STK32B: variants seen among roughly 807,000 people sequenced by gnomAD.
STK32B encodes the protein serine/threonine-protein kinase 32B.
Under a neutral mutation model 52.6 loss-of-function variants are expected in STK32B, and 43 were observed. The observed-to-expected ratio is 0.82, with a 90% CI of 0.64 to 1.05. STK32B has a LOEUF of 1.05. Among genes scored for constraint, STK32B ranks in the 50% least tolerant of loss-of-function variants. The pLI is 0.00. For missense variants in STK32B, 621 were observed against 534.6 expected, an observed-to-expected ratio of 1.16 and a Z score of -1.59; for synonymous variants, 238 against 204.3, an observed-to-expected ratio of 1.17 and a Z score of -1.41.
Position 5,051,561 on chromosome 4 carries a change from G to C in STK32B, c.-303G>C, listed in dbSNP as rs1311967390. The C allele has an allele frequency of 2.6e-6, 1 of 381,578 alleles. No homozygotes were observed. Among genetic ancestry groups the C allele is most frequent in the Non-Finnish European group, 4.6e-6 (1 of 215,628 alleles). The allele number at this position is 381,578 out of a possible 1,614,324, so 23.6% of individuals were successfully genotyped here. ...GCGAGGAGCGCCGCACGTTGGCCCC[G>C]GCGCGAGGAGCTCCCGGGTTCCCGG... On this transcript the variant is annotated 5_prime_UTR_variant, in exon 1 of 12. Coordinates refer to ENST00000282908, the MANE Select transcript of STK32B (RefSeq NM_018401.3).
intron 11 of STK32B, among the ~76,000 whole-genome samples, chr4:5,479,126 T>TG (rs1249179231): frequency 6.7e-6 from 1 of 149,398 alleles, no homozygotes; most frequent in African/African-American, 2.4e-5. Flanking sequence ...TGTTTTTGTT[T>TG]TTTTTTTTTT....
intron 3 of STK32B, among the ~76,000 whole-genome samples, chr4:5,319,585 A>G (rs939721749): frequency 1.3e-5 from 2 of 152,076 alleles, no homozygotes; most frequent in African/African-American, 4.8e-5. Context: ...AGGCATACAG[A>G]GCTGGAATCC....
At chr4:5,444,047 T>C (rs13125669) in intron 6 of STK32B, among the ~76,000 whole-genome samples, 21,169 of 152,182 alleles carry the variant, frequency 0.14, 1,659 homozygotes, top group East Asian at 0.28. Context: ...GTTACTACTG[T>C]CTTTTTGTTT....
At chr4:5,169,160 G>A (rs917171783) in intron 3 of STK32B, among the ~76,000 whole-genome samples, 5 of 152,200 alleles carry the variant, frequency 3.3e-5, no homozygotes, top group Admixed American at 1.3e-4. Flanking sequence ...AGTGCCCCTC[G>A]CGACCTCAGT....
the STK32B span, among the ~76,000 whole-genome samples, chr4:5,038,950 C>T: frequency 6.6e-6 from 1 of 150,638 alleles, no homozygotes; most frequent in African/African-American, 2.4e-5. Context: ...TAGCATAAAA[C>T]ACAAACATAC....
intron 4 of STK32B, among the ~76,000 whole-genome samples, chr4:5,342,353 T>C (rs897826265): frequency 1.3e-5 from 2 of 152,164 alleles, no homozygotes; most frequent in Non-Finnish European, 2.9e-5. Context: ...ATATACACCA[T>C]GGAATACTAT....
At position 5,370,031 on chromosome 4, in the gene STK32B, C is replaced by A. The variant is rs185166074; in HGVS notation, c.435-28176C>A. On this transcript the variant is annotated intron_variant, in intron 4 of 11. Coordinates refer to ENST00000282908, the MANE Select transcript of STK32B (RefSeq NM_018401.3). ...GCTGGGACTACAGGCGCCACCATCA[C>A]GCCCGGCTAATTTTTTGTATTTTTA... 2.1e-3 allele frequency among the ~76,000 whole-genome samples: 314 copies of A among 152,024 alleles called. 6 individuals carry two copies. The highest frequency in any genetic ancestry group is 0.02 in the Admixed American group (309 of 15,274).
the STK32B span, among the ~76,000 whole-genome samples, chr4:5,021,607 G>A: frequency 1.3e-5 from 2 of 152,196 alleles, no homozygotes; most frequent in Non-Finnish European, 2.9e-5. Flanking sequence ...AACAAGTCCT[G>A]CACCATTAGA....
chr4:5,159,450 CTA>C (rs149683714), intron 2 of STK32B, among the ~76,000 whole-genome samples: 5 of 141,314 alleles, frequency 3.5e-5, no homozygotes, highest in South Asian at 4.5e-4. Context: ...TGGGGTGTAA[CTA>C]TATATATATA....
At chr4:5,043,722 G>C in the STK32B span, among the ~76,000 whole-genome samples, 215 of 152,350 alleles carry the variant, frequency 1.4e-3, 1 homozygote, top group Non-Finnish European at 2.7e-3. Context: ...CTACAGGGGC[G>C]GAAGGAGAAG....
chr4:5,141,702 T>A (rs1254966374), intron 2 of STK32B, among the ~76,000 whole-genome samples: 1 of 151,946 alleles, frequency 6.6e-6, no homozygotes, highest in Non-Finnish European at 1.5e-5. Context: ...ATAGTCAGAT[T>A]TTGGATATAT....
intron 1 of STK32B, among the ~76,000 whole-genome samples, chr4:5,137,036 ATTAT>A (rs1449741682): frequency 6.6e-6 from 1 of 152,204 alleles, no homozygotes; most frequent in Non-Finnish European, 1.5e-5. Flanking sequence ...TATAACACTA[ATTAT>A]TAAAGTAATA....
intron 6 of STK32B, among the ~76,000 whole-genome samples, chr4:5,443,010 C>T (rs1390886876): frequency 4.6e-5 from 7 of 150,926 alleles, no homozygotes; most frequent in Non-Finnish European, 7.4e-5. Flanking sequence ...GAGGGTAACC[C>T]GACCTTTCTC....
intron 3 of STK32B, among the ~76,000 whole-genome samples, chr4:5,269,471 A>G (rs796446167): frequency 2.6e-5 from 4 of 152,316 alleles, no homozygotes; most frequent in African/African-American, 7.2e-5. Context: ...CAAAAAGGTA[A>G]TATATACAGT....
chr4:5,472,836 T>A lies in STK32B; in HGVS notation c.1106+4766T>A, dbSNP rs539330135. Among the ~76,000 whole-genome samples, 15 of 152,306 alleles carry A rather than the reference T, an allele frequency of 9.8e-5. No individual in the cohort carries two copies. In the South Asian group the frequency reaches 3.1e-3, roughly 32 times the overall value. On this transcript the variant is annotated intron_variant, in intron 11 of 11. Coordinates refer to ENST00000282908, the MANE Select transcript of STK32B (RefSeq NM_018401.3). The stretch of plus-strand genomic sequence containing the variant: ...TGTGACTTTATGGTTTTAGATCATG[T>A]TCCTTTAATCTAGGGTTTCTCAACC...
intron 1 of STK32B, among the ~76,000 whole-genome samples, chr4:5,055,556 C>T (rs756485413): frequency 1.3e-5 from 2 of 152,182 alleles, no homozygotes; most frequent in African/African-American, 4.8e-5. Flanking sequence ...CTCAAATCCT[C>T]CCTCCAGCCC....
At chr4:5,332,888 T>A (rs958698050) in intron 4 of STK32B, among the ~76,000 whole-genome samples, 49 of 152,318 alleles carry the variant, frequency 3.2e-4, no homozygotes, top group African/African-American at 1.2e-3. Flanking sequence ...CTTAATCCAG[T>A]TTATCATTGT....
In STK32B at chr4:5,380,881, A is replaced by G. The variant is rs1451815623; in HGVS notation, c.435-17326A>G. Among the ~76,000 whole-genome samples, 2 of 152,132 alleles carry G rather than the reference A, an allele frequency of 1.3e-5. No homozygotes were observed. The highest frequency in any genetic ancestry group is 2.9e-5 in the Non-Finnish European group (2 of 68,018). ...CTCAGAGGAGGGAAGGCGCCTGTTC[A>G]AGGTCCTGCAGCTCATCATAGTTGT... On this transcript the variant is annotated intron_variant, in intron 4 of 11. Coordinates refer to ENST00000282908, the MANE Select transcript of STK32B (RefSeq NM_018401.3). The surrounding 1 kb of genome is among the most constrained non-coding windows in gnomAD (Gnocchi z 4.3).
At chr4:5,334,509 A>G (rs540738799) in intron 4 of STK32B, among the ~76,000 whole-genome samples, 128 of 152,258 alleles carry the variant, frequency 8.4e-4, no homozygotes, top group Middle Eastern at 3.4e-3. Flanking sequence ...AACTTCCAAC[A>G]CTATGTTAAC....
Sources: allele counts gnomAD v4.1 joint callset (sites outside exome capture counted in the v4.1 genomes callset), GRCh38; gene constraint gnomAD v4.1.1; non-coding constraint Gnocchi (gnomAD v3.1); transcripts MANE v1.5; gene names NCBI Gene and HGNC (gene_info 2026-07-23, HGNC 2026-07-21).